The following TBL1XR1 variants were observed in gnomAD, a reference collection of about 807,000 sequenced individuals.
TBL1XR1 encodes F-box-like/WD repeat-containing protein TBL1XR1.
Under a neutral mutation model 66.9 loss-of-function variants are expected in TBL1XR1, and 5 were observed. That is an observed-to-expected ratio of 0.07 (90% CI 0.04 to 0.16). The LOEUF (loss-of-function observed/expected upper bound fraction) is 0.16. Among genes scored for constraint, TBL1XR1 ranks in the 10% least tolerant of loss-of-function variants. The pLI, the probability that TBL1XR1 is intolerant of heterozygous loss-of-function variation, is 1.00. For synonymous variants in TBL1XR1, 210 were observed against 206.0 expected (o/e 1.02, Z -0.17); for missense variants, 238 against 623.2 (o/e 0.38, Z 6.58).
At chr3:177,138,828 G>C (rs1412834711) in intron 1 of TBL1XR1, among the ~76,000 whole-genome samples, 1 of 152,152 alleles carries the variant, frequency 6.6e-6, no homozygotes, top group Non-Finnish European at 1.5e-5. Context: ...TGGAAGTACT[G>C]AAGACACCAC....
At position 177,033,102 on chromosome 3, in the gene TBL1XR1, C is replaced by T; in HGVS notation, c.1285G>A (p.Val429Ile). ...SFDSTVRLWD[V>I]DRGICIHTLT... ...GTATGGATGCATATCCCTCGGTCTA[C>T]ATCCCATAACCTAACAGTAGAATCA... Residue 429 changes from valine to isoleucine, a missense_variant, in exon 14 of 16, where the codon GTA becomes ATA. Val to Ile is a conservative substitution (Grantham distance 29, BLOSUM62 3). Around this residue, in one of 8 missense-constraint regions of TBL1XR1, gnomAD observed 89 missense variants for 220.2 expected, o/e 0.40. Coordinates refer to ENST00000457928, the MANE Select transcript of TBL1XR1 (RefSeq NM_024665.7). The T allele has an allele frequency of 1.3e-6, 2 of 1,590,168 alleles. No homozygotes were observed. The highest frequency in any genetic ancestry group is 1.7e-6 in the Non-Finnish European group (2 of 1,166,694).
intron 1 of TBL1XR1, among the ~76,000 whole-genome samples, chr3:177,144,241 C>T (rs540910185): frequency 1.3e-5 from 2 of 150,944 alleles, no homozygotes; most frequent in African/African-American, 2.4e-5. Flanking sequence ...AGCAAAACTC[C>T]GTCTCAAAAA....
At chr3:177,170,897 G>A (rs896118362) in intron 1 of TBL1XR1, among the ~76,000 whole-genome samples, 3 of 152,070 alleles carry the variant, frequency 2.0e-5, no homozygotes, top group Non-Finnish European at 1.5e-5. Context: ...GAGCCACCGT[G>A]CCAATGATCA....
intron 1 of TBL1XR1, among the ~76,000 whole-genome samples, chr3:177,113,331 G>A (rs1203169648): frequency 1.3e-5 from 2 of 152,050 alleles, no homozygotes; most frequent in Non-Finnish European, 2.9e-5. Context: ...CTTTGGATAG[G>A]ACCTCAAAAA....
At chr3:177,092,364 A>C (rs1722945433) in intron 2 of TBL1XR1, among the ~76,000 whole-genome samples, 1 of 152,200 alleles carries the variant, frequency 6.6e-6, no homozygotes, top group Non-Finnish European at 1.5e-5. Context: ...AGAAAATATA[A>C]GGAAAAGATG....
chr3:177,076,088 C>T (rs907777870), intron 2 of TBL1XR1, among the ~76,000 whole-genome samples: 1 of 152,220 alleles, frequency 6.6e-6, no homozygotes, highest in African/African-American at 2.4e-5. Context: ...TGAAGGCTCT[C>T]TGCTTCATAA....
intron 1 of TBL1XR1, among the ~76,000 whole-genome samples, chr3:177,101,165 C>T (rs1414296147): frequency 2.0e-5 from 2 of 98,440 alleles, no homozygotes; most frequent in African/African-American, 3.7e-5. Flanking sequence ...CCATGACAAT[C>T]GCTATTTTTT....
chr3:177,133,016 C>T (rs527758012), intron 1 of TBL1XR1, among the ~76,000 whole-genome samples: 4 of 152,286 alleles, frequency 2.6e-5, no homozygotes, highest in African/African-American at 7.2e-5. Flanking sequence ...CGGCCAGGTG[C>T]GGTGGCTCAC....
chr3:177,155,892 C>T (rs940957748), intron 1 of TBL1XR1, among the ~76,000 whole-genome samples: 1 of 151,276 alleles, frequency 6.6e-6, no homozygotes, highest in African/African-American at 2.4e-5. Flanking sequence ...GCCTGTAATC[C>T]CAGCTACTCG....
intron 1 of TBL1XR1, among the ~76,000 whole-genome samples, chr3:177,128,357 T>C (rs977247341): frequency 6.6e-6 from 1 of 152,248 alleles, no homozygotes; most frequent in Admixed American, 6.5e-5. Context: ...ATATAACTTA[T>C]GACACAGAGA....
At chr3:177,102,115 G>C (rs1164697135) in intron 1 of TBL1XR1, among the ~76,000 whole-genome samples, 2 of 152,142 alleles carry the variant, frequency 1.3e-5, no homozygotes, top group African/African-American at 2.4e-5. Flanking sequence ...TCGGTCATCA[G>C]TGAGTCTCTC....
chr3:177,154,883 G>A (rs1055057612), intron 1 of TBL1XR1, among the ~76,000 whole-genome samples: 1 of 151,864 alleles, frequency 6.6e-6, no homozygotes, highest in Admixed American at 6.6e-5. Context: ...TAACAAAAGA[G>A]ATCACACACA....
chr3:177,102,382 A>C (rs1427892316), intron 1 of TBL1XR1, among the ~76,000 whole-genome samples: 1 of 152,174 alleles, frequency 6.6e-6, no homozygotes, highest in Admixed American at 6.5e-5. Context: ...CATACGCAGG[A>C]CCATATTTTT....
At chr3:177,078,090 A>C (rs1406486592) in intron 2 of TBL1XR1, among the ~76,000 whole-genome samples, 1 of 152,176 alleles carries the variant, frequency 6.6e-6, no homozygotes, top group Non-Finnish European at 1.5e-5. Context: ...TCACCTTTTA[A>C]TATGCATATT....
chr3:177,038,764 T>C (rs1482680134), intron 10 of TBL1XR1, among the ~76,000 whole-genome samples: 1 of 152,224 alleles, frequency 6.6e-6, no homozygotes, highest in Non-Finnish European at 1.5e-5. Flanking sequence ...GATGATATCA[T>C]GCTTTTCATT....
At chr3:177,053,132 AC>A (rs1214120454) in intron 4 of TBL1XR1, among the ~76,000 whole-genome samples, 11 of 152,114 alleles carry the variant, frequency 7.2e-5, no homozygotes, top group Admixed American at 7.2e-4. Flanking sequence ...AAAAACAAAA[AC>A]AACATTTTAA....
At chr3:177,096,923 G>A (rs544729472) in intron 2 of TBL1XR1, among the ~76,000 whole-genome samples, 269 of 152,258 alleles carry the variant, frequency 1.8e-3, no homozygotes, top group Non-Finnish European at 2.3e-3. Context: ...AGAGAGAAAA[G>A]AGAAAGGAGA....
chr3:177,027,404 C>T (rs772967718), intron 14 of TBL1XR1: 2 of 152,156 alleles, frequency 1.3e-5, no homozygotes, highest in Admixed American at 6.5e-5. Flanking sequence ...AATGTAACAA[C>T]GTTATTTTAT....
chr3:177,158,540 A>G (rs1019323597), intron 1 of TBL1XR1, among the ~76,000 whole-genome samples: 10 of 152,028 alleles, frequency 6.6e-5, no homozygotes, highest in Admixed American at 5.2e-4. Flanking sequence ...ATAGGAATTT[A>G]AAACAAGACT....
Sources: allele counts gnomAD v4.1 joint callset (sites outside exome capture counted in the v4.1 genomes callset), GRCh38; gene constraint gnomAD v4.1.1; regional missense constraint gnomAD v4.1.1; transcripts MANE v1.5; gene names NCBI Gene and HGNC (gene_info 2026-07-23, HGNC 2026-07-21).